The following TSC22D2 variants were observed in gnomAD, a reference collection of about 807,000 sequenced individuals.
TSC22D2 encodes TSC22 domain family protein 2.
Under a neutral mutation model 50.1 loss-of-function variants are expected in TSC22D2, and 5 were observed. That is an observed-to-expected ratio of 0.10 (90% CI 0.05 to 0.21). The LOEUF is 0.21. Among genes scored for constraint, TSC22D2 ranks in the 10% least tolerant of loss-of-function variants. The probability of loss-of-function intolerance (pLI) is 1.00; values close to 1 mark genes in which losing one functional copy is unlikely to be tolerated. For missense variants in TSC22D2, 1,003 were observed against 1,015.5 expected, an observed-to-expected ratio of 0.99 and a Z score of 0.17; for synonymous variants, 501 against 450.1, an observed-to-expected ratio of 1.11 and a Z score of -1.43.
At chr3:150,417,679 A>G (rs1719862711) in intron 1 of TSC22D2, among the ~76,000 whole-genome samples, 1 of 152,130 alleles carries the variant, frequency 6.6e-6, no homozygotes, top group Non-Finnish European at 1.5e-5. Flanking sequence ...ACAGTCTGTA[A>G]CATAATATAT....
rs371107331 is a variant in TSC22D2 at position 150,410,109 on chromosome 3, C to G, written c.759C>G (p.Pro253=). 5.9e-5 allele frequency: 95 copies of G among 1,612,588 alleles called. No homozygotes were observed. In the Middle Eastern group the frequency reaches 6.6e-4, roughly 11 times the overall value. Residue 253 remains proline (P), a synonymous_variant, in exon 1 of 3, where the codon CCC becomes CCG. Coordinates refer to ENST00000688009, the MANE Select transcript of TSC22D2 (RefSeq NM_001303264.2). Reference sequence around the variant, plus strand: ...CCTTGACTGCTGTGTCACAGCTACCCCCGTCGGAGAAAATGAGCCAGCCCA... The same window carrying G: ...CCTTGACTGCTGTGTCACAGCTACCGCCGTCGGAGAAAATGAGCCAGCCCA... ...DSSLTAVSQL[P]PSEKMSQPTP...
intron 1 of TSC22D2, among the ~76,000 whole-genome samples, chr3:150,449,861 A>G (rs1187839300): frequency 6.6e-6 from 1 of 152,040 alleles, no homozygotes; most frequent in African/African-American, 2.4e-5. Context: ...TATGATTCAG[A>G]TGTTGAGTAT....
chr3:150,455,274 G>C (rs777756002), intron 1 of TSC22D2, among the ~76,000 whole-genome samples: 10 of 152,148 alleles, frequency 6.6e-5, no homozygotes, highest in South Asian at 2.1e-4. Context: ...ATATACTAAA[G>C]CGTTATGGTT....
chr3:150,428,993 A>G lies in TSC22D2; in HGVS notation c.1958+17685A>G, dbSNP rs376428809. Among the ~76,000 whole-genome samples, 201 of 152,220 alleles carry G rather than the reference A, an allele frequency of 1.3e-3. 1 individual carries two copies. In the South Asian group the frequency reaches 0.025, roughly 19 times the overall value. ...CCTACTCTGGAGTTTTATTTCCCCAACTTTTCTAAATGGAAGTACAAGCAT... is the reference window on the plus strand; with the variant it reads ...CCTACTCTGGAGTTTTATTTCCCCAGCTTTTCTAAATGGAAGTACAAGCAT... On this transcript the variant is annotated intron_variant, in intron 1 of 2. Coordinates refer to ENST00000688009, the MANE Select transcript of TSC22D2 (RefSeq NM_001303264.2).
Position 150,410,667 on chromosome 3 carries a change from C to T in TSC22D2, c.1317C>T (p.Pro439=), listed in dbSNP as rs1021454091. 5 of 1,555,724 alleles carry T rather than the reference C, an allele frequency of 3.2e-6. No individual in the cohort carries two copies. The highest frequency in any genetic ancestry group is 4.3e-6 in the Non-Finnish European group (5 of 1,152,682). Reference sequence around the variant, plus strand: ...CCCAGCCCAGCGAAGCCATGGCCCCCCGGACGGGACCAGCGCAAGGCGGGC... The same window carrying T: ...CCCAGCCCAGCGAAGCCATGGCCCCTCGGACGGGACCAGCGCAAGGCGGGC... The part of the protein sequence containing the change: ...ASSQPSEAMA[P]RTGPAQGGQV... Residue 439 remains proline (P), a synonymous_variant, in exon 1 of 3, where the codon CCC becomes CCT. Coordinates refer to ENST00000688009, the MANE Select transcript of TSC22D2 (RefSeq NM_001303264.2).
At chr3:150,448,735 G>A (rs1720955832) in intron 1 of TSC22D2, among the ~76,000 whole-genome samples, 1 of 151,838 alleles carries the variant, frequency 6.6e-6, no homozygotes, top group Non-Finnish European at 1.5e-5. Flanking sequence ...TTAAAACGAA[G>A]TTTCTTTAAA....
intron 1 of TSC22D2, 26 bp from the exon 2 acceptor site, chr3:150,457,047 GAAT>G (rs1318331834): frequency 1.9e-6 from 3 of 1,605,168 alleles, no homozygotes; most frequent in Non-Finnish European, 2.6e-6. Context: ...AAATTTTTTA[GAAT>G]AATAACATAT....
intron 1 of TSC22D2, among the ~76,000 whole-genome samples, chr3:150,439,934 T>TG (rs1720664367): frequency 6.6e-6 from 1 of 152,228 alleles, no homozygotes; most frequent in African/African-American, 2.4e-5. Flanking sequence ...TGTCAGTCTC[T>TG]GTGCTCAAAG....
rs532416109 is a variant in TSC22D2 at position 150,458,345 on chromosome 3, CTT to C, written c.2011-28_2011-27del. 1.2e-3 allele frequency: 1,845 copies of C among 1,596,932 alleles called. 3 individuals are homozygous for C. Among genetic ancestry groups the C allele is most frequent in the Non-Finnish European group, 1.2e-3 (1,434 of 1,171,686 alleles). ...ATAGCACCACCTTTATCTTTTCACT[CTT>C]TTGACATTCCTAATTTTGTTTTTCA... On this transcript the variant is annotated intron_variant, in intron 2 of 2. Transcript: ENST00000688009.
At chr3:150,431,797 T>C (rs1052285268) in intron 1 of TSC22D2, among the ~76,000 whole-genome samples, 1 of 152,160 alleles carries the variant, frequency 6.6e-6, no homozygotes, top group Admixed American at 6.5e-5. Context: ...AACATTTGGA[T>C]ATTAATGTGT....
chr3:150,454,013 G>A (rs1457751777), intron 1 of TSC22D2, among the ~76,000 whole-genome samples: 1 of 152,046 alleles, frequency 6.6e-6, no homozygotes, highest in African/African-American at 2.4e-5. Flanking sequence ...AAAAAACTGA[G>A]GTCTAGAAAG....
intron 1 of TSC22D2, among the ~76,000 whole-genome samples, chr3:150,434,165 T>C (rs1720464412): frequency 6.6e-6 from 1 of 151,668 alleles, no homozygotes; most frequent in Non-Finnish European, 1.5e-5. Context: ...TTTTTTTTTT[T>C]TGGGACAGAG....
intron 1 of TSC22D2, among the ~76,000 whole-genome samples, chr3:150,425,589 T>C (rs1345646936): frequency 1.3e-5 from 2 of 152,200 alleles, no homozygotes; most frequent in Non-Finnish European, 2.9e-5. Context: ...ATCTATTTAT[T>C]TTGAGGCATA....
At position 150,438,936 on chromosome 3, in the gene TSC22D2, T is replaced by C. The variant is rs189221734; in HGVS notation, c.1959-18140T>C. ...TTTTATATTCCCCGAAAATTAATTTTCTCTCAGTATTCTGCTTAGAAAAAA... is the reference window on the plus strand; with the variant it reads ...TTTTATATTCCCCGAAAATTAATTTCCTCTCAGTATTCTGCTTAGAAAAAA... On this transcript the variant is annotated intron_variant, in intron 1 of 2. Transcript: ENST00000688009. Among the ~76,000 whole-genome samples the C allele has an allele frequency of 6.6e-5, 10 of 152,302 alleles. No homozygotes were observed. The East Asian group carries it at 1.9e-3, about 29-fold the overall frequency.
At position 150,460,683 on chromosome 3, in the gene TSC22D2, A is replaced by C. The variant is rs1472435323; in HGVS notation, c.*2047A>C. 1 of 152,234 alleles carries C rather than the reference A, an allele frequency of 6.6e-6. No homozygotes were observed. The highest frequency in any genetic ancestry group is 6.5e-5 in the Admixed American group (1 of 15,270). The allele number at this position is 152,234 out of a possible 1,614,324, so 9.4% of individuals were successfully genotyped here. Reference sequence around the variant, plus strand: ...AGGTGAGATACTTAATGGAATGTGAAACTTCACTGTTGGACTGTTAACCGA... The same window carrying C: ...AGGTGAGATACTTAATGGAATGTGACACTTCACTGTTGGACTGTTAACCGA... On this transcript the variant is annotated 3_prime_UTR_variant, in exon 3 of 3. Transcript: ENST00000688009.
chr3:150,430,858 A>T (rs1056739768), intron 1 of TSC22D2, among the ~76,000 whole-genome samples: 1 of 152,122 alleles, frequency 6.6e-6, no homozygotes, highest in Non-Finnish European at 1.5e-5. Context: ...CATTCTGAGG[A>T]TATTATTTTC....
chr3:150,445,081 T>G (rs1319274940), intron 1 of TSC22D2, among the ~76,000 whole-genome samples: 1 of 152,014 alleles, frequency 6.6e-6, no homozygotes, highest in African/African-American at 2.4e-5. Context: ...TATATTTCAG[T>G]GGGCTTTGGA....
intron 1 of TSC22D2, among the ~76,000 whole-genome samples, chr3:150,421,056 C>G (rs549407673): frequency 6.6e-5 from 10 of 152,296 alleles, no homozygotes; most frequent in South Asian, 2.1e-4. Flanking sequence ...GCACTCCAGC[C>G]TGAGCGACAA....
chr3:150,418,941 G>T (rs1273516684), intron 1 of TSC22D2, among the ~76,000 whole-genome samples: 1 of 152,024 alleles, frequency 6.6e-6, no homozygotes, highest in Non-Finnish European at 1.5e-5. Context: ...CTAATGAAAT[G>T]TGCTAAATAT....
Sources: gnomAD v4.1 joint callset for allele counts (sites outside exome capture counted in the v4.1 genomes callset) on GRCh38, gnomAD v4.1.1 for gene constraint, MANE v1.5 for transcripts, NCBI Gene and HGNC (gene_info 2026-07-23, HGNC 2026-07-21) for gene names.